The following POLD3 variants were observed in gnomAD, a reference collection of about 807,000 sequenced individuals.
POLD3 encodes the protein DNA polymerase delta 3, accessory subunit, also known as DNA polymerase delta subunit 3.
POLD3 carries 19 observed loss-of-function variants against 58.2 expected under a neutral mutation model. That is an observed-to-expected ratio of 0.33 (90% CI 0.23 to 0.48). POLD3 has a LOEUF of 0.48. Ranked by LOEUF, POLD3 falls within the 20% of genes least tolerant of loss-of-function variation. The pLI, the probability that POLD3 is intolerant of heterozygous loss-of-function variation, is 0.99. For synonymous variants in POLD3, 172 were observed against 193.5 expected (o/e 0.89, Z 0.92); for missense variants, 504 against 545.5 (o/e 0.92, Z 0.76).
At chr11:74,637,195 G>A (rs1026260040) in intron 11 of POLD3, among the ~76,000 whole-genome samples, 1 of 151,924 alleles carries the variant, frequency 6.6e-6, no homozygotes, top group Non-Finnish European at 1.5e-5. Context: ...GAAAAGATTG[G>A]CTCTGAAGAA....
At chr11:74,619,200 C>T (rs1458792473) in intron 6 of POLD3, among the ~76,000 whole-genome samples, 1 of 152,158 alleles carries the variant, frequency 6.6e-6, no homozygotes, top group African/African-American at 2.4e-5. Context: ...TAGTGTATTT[C>T]CCATTCTTAT....
intron 9 of POLD3, 98 bp from the exon 10 acceptor site, chr11:74,634,479 TAAATCC>T: frequency 3.0e-6 from 2 of 676,388 alleles, no homozygotes; most frequent in Non-Finnish European, 2.7e-6. Context: ...TACTGCTTGC[TAAATCC>T]CCTTTGCTGG....
chr11:74,667,692 T>A (rs994425127), intron 4 of POLD3, among the ~76,000 whole-genome samples: 1 of 152,182 alleles, frequency 6.6e-6, no homozygotes, highest in African/African-American at 2.4e-5. Context: ...ACCTTGGGTT[T>A]GGAAAACCTT....
Position 74,640,911 on chromosome 11 carries a change from A to G in POLD3, c.*145A>G, listed in dbSNP as rs559859640. ...TCTTTCATCCTGTGAGGTTTATACTATTTCTGGTTTTTAACCAAAAGGAAA... is the reference window on the plus strand; with the variant it reads ...TCTTTCATCCTGTGAGGTTTATACTGTTTCTGGTTTTTAACCAAAAGGAAA... On this transcript the variant is annotated 3_prime_UTR_variant, in exon 12 of 12. Coordinates refer to ENST00000263681, the MANE Select transcript of POLD3 (RefSeq NM_006591.3). 3 of 1,276,430 alleles carry G rather than the reference A, an allele frequency of 2.4e-6. No individual in the cohort carries two copies. Among genetic ancestry groups the G allele is most frequent in the Admixed American group, 8.0e-5 (2 of 24,946 alleles). The allele number at this position is 1,276,430 out of a possible 1,614,324, so 79.1% of individuals were successfully genotyped here.
chr11:74,599,556 G>T (rs947851331), intron 2 of POLD3, among the ~76,000 whole-genome samples: 1 of 151,090 alleles, frequency 6.6e-6, no homozygotes, highest in African/African-American at 2.4e-5. Flanking sequence ...TAGAGACAGG[G>T]TTTCACGATC....
chr11:74,658,472 G>A (rs1016236409), intron 4 of POLD3, among the ~76,000 whole-genome samples: 3 of 152,054 alleles, frequency 2.0e-5, no homozygotes, highest in African/African-American at 7.3e-5. Context: ...GTCCCCCAAA[G>A]TCTTAACTCA....
chr11:74,602,105 T>C (rs2031520574), intron 2 of POLD3, among the ~76,000 whole-genome samples: 1 of 152,092 alleles, frequency 6.6e-6, no homozygotes, highest in Admixed American at 6.5e-5. Context: ...TTACACTTTT[T>C]TTTTTCTCCT....
chr11:74,642,089 C>T lies in POLD3; in HGVS notation c.*1323C>T. ...TAGCAGACAAGGGGTGTCTGACTGG[C>T]TTCTTTTGCCTCAAGATGGTGTATG... is the stretch of plus-strand genomic sequence containing the variant. On this transcript the variant is annotated 3_prime_UTR_variant, in exon 12 of 12. Transcript: ENST00000263681. 3.0e-6 allele frequency: 3 copies of T among 985,420 alleles called. No homozygotes were observed. Among genetic ancestry groups the T allele is most frequent in the Non-Finnish European group, 3.6e-6 (3 of 829,942 alleles). 61.0% of individuals were successfully genotyped at this position (985,420 alleles called of 1,614,324 possible).
Position 74,625,459 on chromosome 11 carries a change from T to C in POLD3, c.785T>C (p.Ile262Thr). ...GAACAAGCAGTGAAAGAAGAAAAAATAGTGGAGCAGCCTACAGTGTCTGTC... is the reference window on the plus strand; with the variant it reads ...GAACAAGCAGTGAAAGAAGAAAAAACAGTGGAGCAGCCTACAGTGTCTGTC... Reference protein sequence around the residue: ...DSEQAVKEEKIVEQPTVSVTE... With the variant: ...DSEQAVKEEKTVEQPTVSVTE... The change falls in exon 8 of 12, where the codon ATA becomes ACA. Residue 262 changes from isoleucine (I) to threonine (T), a missense_variant. Coordinates refer to ENST00000263681, the MANE Select transcript of POLD3 (RefSeq NM_006591.3). 6.2e-7 allele frequency: 1 copy of C among 1,612,768 alleles called. No homozygotes were observed. The highest frequency in any genetic ancestry group is 8.5e-7 in the Non-Finnish European group (1 of 1,179,458).
At chr11:74,602,013 C>T (rs2031516203) in intron 2 of POLD3, among the ~76,000 whole-genome samples, 1 of 152,092 alleles carries the variant, frequency 6.6e-6, no homozygotes, top group Non-Finnish European at 1.5e-5. Context: ...AGATACAGAG[C>T]CCAGAACAAG....
intron 3 of POLD3, among the ~76,000 whole-genome samples, chr11:74,611,211 T>A (rs952607417): frequency 6.6e-6 from 1 of 152,250 alleles, no homozygotes; most frequent in Non-Finnish European, 1.5e-5. Context: ...AAGCCTTTGC[T>A]CACACTGATT....
intron 2 of POLD3, among the ~76,000 whole-genome samples, chr11:74,594,718 G>C (rs1263041721): frequency 6.6e-6 from 1 of 152,204 alleles, no homozygotes; most frequent in Non-Finnish European, 1.5e-5. Context: ...TAAAGACGAG[G>C]TTTAATTGAC....
At chr11:74,627,175 C>T (rs996128436) in intron 8 of POLD3, among the ~76,000 whole-genome samples, 4 of 152,068 alleles carry the variant, frequency 2.6e-5, no homozygotes, top group Admixed American at 2.6e-4. Context: ...CTGAAGAAGA[C>T]CTTCCAGTGG....
intron 5 of POLD3, among the ~76,000 whole-genome samples, chr11:74,615,068 T>C (rs917309407): frequency 2.0e-5 from 3 of 152,128 alleles, no homozygotes; most frequent in Non-Finnish European, 2.9e-5. Flanking sequence ...TCAGAGAGAA[T>C]GTATAGAATG....
At chr11:74,638,881 C>T (rs1306253438) in intron 11 of POLD3, among the ~76,000 whole-genome samples, 5 of 152,154 alleles carry the variant, frequency 3.3e-5, no homozygotes, top group Non-Finnish European at 5.9e-5. Flanking sequence ...TAAGGCCTTT[C>T]AGAATACTTA....
At position 74,662,161 on chromosome 11, in the gene POLD3, C is replaced by T. The variant is rs994661852; in HGVS notation, c.370-6616C>T. On this transcript the variant is annotated intron_variant, in intron 4 of 4. Coordinates refer to the POLD3 transcript ENST00000524752. ...CCTGGAATTGTGGATCCCAAGAGCC[C>T]GTTTGGTACTGTACCCCACTGTGGG... Among the ~76,000 whole-genome samples the T allele has an allele frequency of 9.9e-5, 15 of 152,178 alleles. No individual in the cohort carries two copies. The East Asian group carries it at 1.9e-3, about 20-fold the overall frequency.
At chr11:74,607,244 A>G (rs147451733) in intron 3 of POLD3, among the ~76,000 whole-genome samples, 1 of 123,432 alleles carries the variant, frequency 8.1e-6, no homozygotes, top group African/African-American at 3.8e-5. Flanking sequence ...TTATTATTAT[A>G]TATTTATTTA....
At chr11:74,637,301 C>T (rs1393097082) in intron 11 of POLD3, among the ~76,000 whole-genome samples, 2 of 152,084 alleles carry the variant, frequency 1.3e-5, no homozygotes, top group East Asian at 1.9e-4. Context: ...GAAAAGGCCT[C>T]TGCCATTTTA....
At chr11:74,631,709 C>T (rs1296067259) in intron 9 of POLD3, among the ~76,000 whole-genome samples, 2 of 151,922 alleles carry the variant, frequency 1.3e-5, no homozygotes, top group African/African-American at 4.8e-5. Context: ...GTCTTGAACT[C>T]CTGACCCCGT....
Sources: gnomAD v4.1 joint callset for allele counts (sites outside exome capture counted in the v4.1 genomes callset) on GRCh38, gnomAD v4.1.1 for gene constraint, MANE v1.5 for transcripts, NCBI Gene and HGNC (gene_info 2026-07-23, HGNC 2026-07-21) for gene names.